Variants in ADH5 observed in about 807,000 individuals in gnomAD.
The protein encoded by ADH5 is alcohol dehydrogenase 5 (class III), chi polypeptide, also known as alcohol dehydrogenase class-3.
Under a neutral mutation model 40.3 loss-of-function variants are expected in ADH5, and 32 were observed. That is an observed-to-expected ratio of 0.79 (90% CI 0.60 to 1.07). The LOEUF (loss-of-function observed/expected upper bound fraction) is 1.07. Ranked by LOEUF, ADH5 falls within the 50% of genes least tolerant of loss-of-function variation. The pLI is 0.00. For missense variants in ADH5, 353 were observed against 460.5 expected (o/e 0.77, Z 2.14); for synonymous variants, 125 against 154.3 (o/e 0.81, Z 1.41).
At chr4:99,083,545 A>G (rs1195541174) in intron 2 of ADH5, among the ~76,000 whole-genome samples, 2 of 140,546 alleles carry the variant, frequency 1.4e-5, no homozygotes, top group Non-Finnish European at 3.0e-5. Context: ...GGTTGCAGCG[A>G]GCCGAGATCG....
intron 6 of ADH5, 186 bp downstream of exon 6, chr4:99,076,106 A>G: frequency 3.3e-6 from 2 of 608,978 alleles, no homozygotes; most frequent in Non-Finnish European, 5.7e-6. Flanking sequence ...ATCTTTTCTC[A>G]TCCTTCCCTG....
At chr4:99,087,712 A>G (rs1460919907) in intron 1 of ADH5, among the ~76,000 whole-genome samples, 3 of 152,058 alleles carry the variant, frequency 2.0e-5, no homozygotes, top group Non-Finnish European at 4.4e-5. Flanking sequence ...ACAAAGCCCC[A>G]CTCTAAATCC....
At chr4:99,079,331 C>T (rs750857974) in intron 4 of ADH5, among the ~76,000 whole-genome samples, 3 of 151,570 alleles carry the variant, frequency 2.0e-5, no homozygotes, top group East Asian at 2.0e-4. Context: ...GAACTACTGA[C>T]GCATATGCAG....
chr4:99,085,294 T>G, intron 1 of ADH5, 78 bp from the exon 2 acceptor site: 1 of 558,678 alleles, frequency 1.8e-6, no homozygotes, highest in Non-Finnish European at 3.0e-6. Context: ...TAGATACAGA[T>G]TAATGCTAAT....
At chr4:99,085,070 C>A in intron 2 of ADH5, 45 bp downstream of exon 2, 1 of 1,000,502 alleles carries the variant, frequency 1.0e-6, no homozygotes, top group South Asian at 2.2e-5. Context: ...ATCCAGAGAC[C>A]TCATTGTGTC....
chr4:99,074,794 T>C (rs1727891874), intron 7 of ADH5, 120 bp downstream of exon 7: 8 of 1,176,288 alleles, frequency 6.8e-6, no homozygotes, highest in East Asian at 2.5e-5. Flanking sequence ...CAACAACTTA[T>C]AATGAGAAGG....
intron 1 of ADH5, among the ~76,000 whole-genome samples, chr4:99,086,877 T>C (rs528647824): frequency 7.4e-6 from 1 of 134,852 alleles, no homozygotes; most frequent in South Asian, 2.3e-4. Flanking sequence ...GAGGCGGAGC[T>C]TGTAGTGAGC....
Position 99,074,862 on chromosome 4 carries a change from G to A in ADH5, c.961+52C>T. 5 of 1,524,238 alleles carry A rather than the reference G, an allele frequency of 3.3e-6. No homozygotes were observed. The South Asian group carries it at 5.1e-5, about 16-fold the overall frequency. 94.4% of individuals were successfully genotyped at this position (1,524,238 alleles called of 1,614,324 possible). A position where few individuals can be genotyped will look rare whatever the true frequency, so the allele number is the denominator to read the frequency against. On this transcript the variant is annotated intron_variant, in intron 7 of 8. Coordinates refer to ENST00000296412, the MANE Select transcript of ADH5 (RefSeq NM_000671.4). ...ATTAGGTGGCTGGGATTAAACATCT[G>A]CCAATGCAACTAACAAAAGAGAAAA...
intron 1 of ADH5, 167 bp from the exon 2 acceptor site, chr4:99,085,383 A>G: frequency 2.3e-6 from 1 of 436,612 alleles, no homozygotes; most frequent in Middle Eastern, 3.0e-4. Flanking sequence ...CAAATAGTAT[A>G]CATCAAAAAT....
At chr4:99,085,494 A>G (rs1154410) in intron 1 of ADH5, 235,663 of 303,480 alleles carry the variant, frequency 0.78, 92,642 homozygotes, top group East Asian at 1. Flanking sequence ...GCATATGCAA[A>G]AGCAGGTTAA....
rs1173349648 is a variant in ADH5 at position 99,078,284 on chromosome 4, CATATGAATAAAT to C, written c.345-1373_345-1362del. Among the ~76,000 whole-genome samples, 9 of 152,202 alleles carry C rather than the reference CATATGAATAAAT, an allele frequency of 5.9e-5. No homozygotes were observed. The South Asian group carries it at 8.3e-4, about 14-fold the overall frequency. ...ATACTCTTAAACTCTTTCGAACATA[CATATGAATAAAT>C]ATACAGATGAAGAGAAAATGGACTG... On this transcript the variant is annotated intron_variant, in intron 4 of 8. Transcript: ENST00000296412.
At chr4:99,081,130 T>C (rs548755250) in intron 4 of ADH5, among the ~76,000 whole-genome samples, 11 of 152,216 alleles carry the variant, frequency 7.2e-5, no homozygotes, top group Admixed American at 3.3e-4. Flanking sequence ...GTTGAATAAC[T>C]GTCTTTGTTT....
Position 99,075,037 on chromosome 4 carries a change from C to T in ADH5, c.838G>A (p.Glu280Lys). The change falls in exon 7 of 9, where the codon GAG (glutamate) becomes AAG (lysine). Residue 280 changes from glutamate to lysine, a missense_variant. Transcript: ENST00000296412. Reference sequence around the variant, plus strand: ...ACGCCCCAGCCCTTGTGACATGCCTCAAGTGCTGCTCTCTGCAGGCACAGA... The same window carrying T: ...ACGCCCCAGCCCTTGTGACATGCCTTAAGTGCTGCTCTCTGCAGGCACAGA... Reference protein sequence around the residue: ...GNVKVMRAALEACHKGWGVSV... With the variant: ...GNVKVMRAALKACHKGWGVSV... 3 of 1,611,368 alleles carry T rather than the reference C, an allele frequency of 1.9e-6. No individual in the cohort carries two copies. The highest frequency in any genetic ancestry group is 2.5e-6 in the Non-Finnish European group (3 of 1,178,248).
At chr4:99,085,859 A>G (rs1434113741) in intron 1 of ADH5, among the ~76,000 whole-genome samples, 3 of 152,150 alleles carry the variant, frequency 2.0e-5, no homozygotes, top group Non-Finnish European at 4.4e-5. Flanking sequence ...AGCATGGTGA[A>G]ACCTCATCTC....
chr4:99,086,721 G>A (rs1337700099), intron 1 of ADH5, among the ~76,000 whole-genome samples: 1 of 151,752 alleles, frequency 6.6e-6, no homozygotes, highest in African/African-American at 2.4e-5. Flanking sequence ...GAGGCGGGCG[G>A]ATCACGAGGT....
intron 4 of ADH5, among the ~76,000 whole-genome samples, chr4:99,077,662 G>A (rs1264071327): frequency 6.6e-6 from 1 of 152,180 alleles, no homozygotes; most frequent in African/African-American, 2.4e-5. Context: ...GCATTTTTCT[G>A]AAGTGTAACT....
chr4:99,083,497 G>C (rs1324277510), intron 2 of ADH5, among the ~76,000 whole-genome samples: 2 of 149,762 alleles, frequency 1.3e-5, no homozygotes, highest in Admixed American at 1.3e-4. Context: ...CTACTAGGGA[G>C]GCCGAAGCAG....
At chr4:99,088,476 C>T (rs1728195711) in intron 1 of ADH5, among the ~76,000 whole-genome samples, 1 of 143,146 alleles carries the variant, frequency 7.0e-6, no homozygotes, top group African/African-American at 2.6e-5. Flanking sequence ...GTCCCAGAAG[C>T]AGCAAAGAAA....
At chr4:99,083,555 G>A (rs554073931) in intron 2 of ADH5, among the ~76,000 whole-genome samples, 12 of 133,244 alleles carry the variant, frequency 9.0e-5, no homozygotes, top group Admixed American at 3.5e-4. Context: ...AGCCGAGATC[G>A]CACCACTGCA....
Sources: allele counts gnomAD v4.1 joint callset (sites outside exome capture counted in the v4.1 genomes callset), GRCh38; gene constraint gnomAD v4.1.1; transcripts MANE v1.5; gene names NCBI Gene and HGNC (gene_info 2026-07-23, HGNC 2026-07-21).